SHANK2: variants seen among roughly 807,000 people sequenced by gnomAD.
The protein encoded by SHANK2 is SH3 and multiple ankyrin repeat domains 2, also known as SH3 and multiple ankyrin repeat domains protein 2.
In SHANK2, 43 loss-of-function variants were observed where a neutral mutation model predicts 133.7. The ratio of observed to expected loss-of-function variants is 0.32; its 90% CI spans 0.25 to 0.41. SHANK2 has a LOEUF of 0.41. Ranked by LOEUF, SHANK2 falls within the 10% of genes least tolerant of loss-of-function variation. The pLI is 1.00. For missense variants in SHANK2, 1,994 were observed against 2,235.8 expected (o/e 0.89, Z 2.18); for synonymous variants, 1,017 against 952.8 (o/e 1.07, Z -1.24).
intron 11 of SHANK2, among the ~76,000 whole-genome samples, chr11:70,846,120 A>T (rs73532100): frequency 1.3e-5 from 2 of 152,086 alleles, no homozygotes; most frequent in Non-Finnish European, 1.5e-5. Flanking sequence ...CCAGTGGGAC[A>T]GCACCCCCAG....
At chr11:70,592,995 A>C (rs1235076187) in intron 17 of SHANK2, among the ~76,000 whole-genome samples, 1 of 152,094 alleles carries the variant, frequency 6.6e-6, no homozygotes, top group Non-Finnish European at 1.5e-5. Context: ...TCACGAAGGG[A>C]GCCTGCAGCT....
intron 1 of SHANK2, among the ~76,000 whole-genome samples, chr11:71,233,723 G>T (rs782355205): frequency 7.2e-5 from 11 of 152,194 alleles, no homozygotes; most frequent in East Asian, 5.8e-4. Flanking sequence ...TCCCCCAGTA[G>T]CGAATAACTG....
At chr11:70,946,219 TC>T (rs552579592) in intron 10 of SHANK2, among the ~76,000 whole-genome samples, 145 of 110,046 alleles carry the variant, frequency 1.3e-3, no homozygotes, top group African/African-American at 3.0e-3. Flanking sequence ...AACCAACTCT[TC>T]CCCAAGCTCA....
intron 15 of SHANK2, among the ~76,000 whole-genome samples, chr11:70,669,808 A>T (rs1023169077): frequency 6.6e-6 from 1 of 152,054 alleles, no homozygotes; most frequent in Non-Finnish European, 1.5e-5. Flanking sequence ...AACCACTCGG[A>T]GGGCAGGTGT....
chr11:70,523,220 C>T (rs2059353017), intron 17 of SHANK2, among the ~76,000 whole-genome samples: 1 of 152,224 alleles, frequency 6.6e-6, no homozygotes, highest in South Asian at 2.1e-4. Flanking sequence ...TCCAGAGCAC[C>T]AGGAGGAGGC....
intron 10 of SHANK2, 75 bp from the exon 11 acceptor site, chr11:70,896,642 GA>G: frequency 1.4e-6 from 1 of 690,250 alleles, no homozygotes. Context: ...TTACATCATT[GA>G]AGGCCTAACA....
At chr11:70,781,384 G>A (rs1304288813) in intron 14 of SHANK2, among the ~76,000 whole-genome samples, 1 of 150,956 alleles carries the variant, frequency 6.6e-6, no homozygotes, top group Non-Finnish European at 1.5e-5. Flanking sequence ...CCACTGCCTG[G>A]TGCAAACCTC....
intron 17 of SHANK2, among the ~76,000 whole-genome samples, chr11:70,616,214 C>T (rs902693792): frequency 1.3e-5 from 2 of 152,214 alleles, no homozygotes; most frequent in Non-Finnish European, 2.9e-5. Context: ...ACGGACCCCA[C>T]GGCCGACTGC....
chr11:71,202,621 C>T (rs1372366065), intron 2 of SHANK2, among the ~76,000 whole-genome samples: 1 of 152,174 alleles, frequency 6.6e-6, no homozygotes, highest in Admixed American at 6.5e-5. Flanking sequence ...AATGACCCAC[C>T]GGGAAAGCAG....
intron 17 of SHANK2, among the ~76,000 whole-genome samples, chr11:70,576,367 A>C (rs2060116062): frequency 6.6e-6 from 1 of 151,888 alleles, no homozygotes; most frequent in Non-Finnish European, 1.5e-5. Flanking sequence ...AAAAACCCAC[A>C]CTCATGCCTG....
At chr11:71,180,563 C>A (rs542226932) in intron 2 of SHANK2, among the ~76,000 whole-genome samples, 36 of 152,206 alleles carry the variant, frequency 2.4e-4, no homozygotes, top group African/African-American at 6.3e-4. Context: ...AGAAAAAAAA[C>A]CCCACACACA....
chr11:70,775,910 T>C (rs996156306), intron 14 of SHANK2, among the ~76,000 whole-genome samples: 4 of 152,226 alleles, frequency 2.6e-5, no homozygotes, highest in Admixed American at 6.5e-5. Context: ...AAAAACAACA[T>C]CTTCATTCAA....
At chr11:71,248,723 TCA>T (rs1555125377) in intron 1 of SHANK2, among the ~76,000 whole-genome samples, 1 of 152,136 alleles carries the variant, frequency 6.6e-6, no homozygotes, top group Non-Finnish European at 1.5e-5. Context: ...AAGGACTGGG[TCA>T]TTCTGCCAAA....
intron 11 of SHANK2, among the ~76,000 whole-genome samples, chr11:70,881,808 T>G (rs1399995179): frequency 1.3e-5 from 2 of 151,682 alleles, no homozygotes; most frequent in Non-Finnish European, 2.9e-5. Flanking sequence ...TGGCTGTGGC[T>G]GCTCACTGCA....
intron 14 of SHANK2, among the ~76,000 whole-genome samples, chr11:70,721,030 G>A (rs1369938021): frequency 1.3e-5 from 2 of 152,038 alleles, no homozygotes; most frequent in Non-Finnish European, 2.9e-5. Context: ...CCTGAGCCCG[G>A]GCTTCCGTGT....
intron 4 of SHANK2, among the ~76,000 whole-genome samples, 173 bp downstream of exon 4, chr11:71,118,656 G>A (rs1952027021): frequency 6.6e-6 from 1 of 151,498 alleles, no homozygotes; most frequent in Non-Finnish European, 1.5e-5. Flanking sequence ...TTTCGGTGGG[G>A]ACACAGAGCC....
At chr11:70,529,905 A>C (rs2135968601) in intron 17 of SHANK2, among the ~76,000 whole-genome samples, 1 of 152,338 alleles carries the variant, frequency 6.6e-6, no homozygotes, top group South Asian at 2.1e-4. Flanking sequence ...TCCATTGCAC[A>C]GACAGACCAC....
intron 17 of SHANK2, among the ~76,000 whole-genome samples, chr11:70,632,315 C>T (rs575840879): frequency 1.9e-4 from 29 of 151,922 alleles, no homozygotes; most frequent in African/African-American, 6.3e-4. Flanking sequence ...TTAGTAGAGA[C>T]GGGGTTTTAC....
intron 17 of SHANK2, among the ~76,000 whole-genome samples, chr11:70,517,421 G>C (rs1269304483): frequency 4.6e-5 from 7 of 152,212 alleles, no homozygotes; most frequent in African/African-American, 1.2e-4. Context: ...CCGAGGTTTA[G>C]AGCAGCTTTA....
Sources: gnomAD v4.1 joint callset for allele counts (sites outside exome capture counted in the v4.1 genomes callset) on GRCh38, gnomAD v4.1.1 for gene constraint, MANE v1.5 for transcripts, NCBI Gene and HGNC (gene_info 2026-07-23, HGNC 2026-07-21) for gene names.